The following POU6F2 variants were observed in gnomAD, a reference collection of about 807,000 sequenced individuals.
POU6F2 encodes the protein POU class 6 homeobox 2.
Under a neutral mutation model 71.3 loss-of-function variants are expected in POU6F2, and 31 were observed. That is an observed-to-expected ratio of 0.43 (90% confidence interval 0.33 to 0.59). The LOEUF (loss-of-function observed/expected upper bound fraction) is 0.59. POU6F2 is among the 20% of genes least tolerant of loss of function. The pLI, the probability that POU6F2 is intolerant of heterozygous loss-of-function variation, is 0.04. For missense variants in POU6F2, 783 were observed against 856.8 expected, an observed-to-expected ratio of 0.91 and a Z score of 1.07; for synonymous variants, 347 against 355.7, an observed-to-expected ratio of 0.98 and a Z score of 0.27.
At chr7:39,059,503 T>TA (rs11407203) in intron 1 of POU6F2, among the ~76,000 whole-genome samples, 57,020 of 137,952 alleles carry the variant, frequency 0.41, 12,084 homozygotes, top group East Asian at 0.76. Flanking sequence ...TGTCTGTAAT[T>TA]AAAAAAAAAA....
chr7:39,011,714 GCC>G (rs985259752), intron 1 of POU6F2, among the ~76,000 whole-genome samples: 1 of 150,748 alleles, frequency 6.6e-6, no homozygotes, highest in Non-Finnish European at 1.5e-5. Context: ...TGTAGGGCAG[GCC>G]TGGTGGTGAC....
chr7:39,192,550 C>A (rs1400684757), intron 2 of POU6F2, among the ~76,000 whole-genome samples: 3 of 152,120 alleles, frequency 2.0e-5, no homozygotes, highest in Non-Finnish European at 4.4e-5. Context: ...CTACATTTGG[C>A]ACCAGTTTTG....
At chr7:39,065,884 C>T (rs551215048) in intron 1 of POU6F2, among the ~76,000 whole-genome samples, 1 of 151,698 alleles carries the variant, frequency 6.6e-6, no homozygotes, top group Non-Finnish European at 1.5e-5. Context: ...GACACATATT[C>T]TTATGCTTCA....
intron 1 of POU6F2, among the ~76,000 whole-genome samples, chr7:39,030,473 T>C (rs1314024806): frequency 1.9e-4 from 25 of 134,128 alleles, no homozygotes; most frequent in Non-Finnish European, 1.6e-5. Flanking sequence ...TTTTTGCTAA[T>C]CTCCTGTATT....
intron 6 of POU6F2, among the ~76,000 whole-genome samples, chr7:39,416,104 A>G (rs1787667089): frequency 7.1e-6 from 1 of 140,862 alleles, no homozygotes. Flanking sequence ...ACACACACAC[A>G]CACACACACA....
chr7:39,072,385 G>C (rs1790902655), intron 1 of POU6F2, among the ~76,000 whole-genome samples: 1 of 152,132 alleles, frequency 6.6e-6, no homozygotes, highest in South Asian at 2.1e-4. Flanking sequence ...AATCTATGAT[G>C]CATTTTTCCC....
chr7:39,414,665 G>A (rs956131006), intron 6 of POU6F2, among the ~76,000 whole-genome samples: 2 of 152,296 alleles, frequency 1.3e-5, no homozygotes, highest in South Asian at 2.1e-4. Flanking sequence ...TTAAGACTGC[G>A]GGTGCGGCCC....
At chr7:39,167,692 A>T (rs1303094607) in intron 2 of POU6F2, among the ~76,000 whole-genome samples, 1 of 151,902 alleles carries the variant, frequency 6.6e-6, no homozygotes, top group Non-Finnish European at 1.5e-5. Context: ...CAAATTGTTT[A>T]TTCATATCTT....
intron 1 of POU6F2, among the ~76,000 whole-genome samples, chr7:39,043,776 G>A (rs1268639228): frequency 6.6e-6 from 1 of 151,826 alleles, no homozygotes; most frequent in Non-Finnish European, 1.5e-5. Context: ...GCATGGACTT[G>A]GTTTTAGCAT....
At chr7:39,051,989 G>A (rs750474007) in intron 1 of POU6F2, among the ~76,000 whole-genome samples, 1 of 152,120 alleles carries the variant, frequency 6.6e-6, no homozygotes, top group African/African-American at 2.4e-5. Flanking sequence ...CATGAACACT[G>A]AACTGGCTAG....
At chr7:39,143,040 G>A (rs1562721602) in intron 2 of POU6F2, among the ~76,000 whole-genome samples, 1 of 152,176 alleles carries the variant, frequency 6.6e-6, no homozygotes, top group Non-Finnish European at 1.5e-5. Flanking sequence ...ATAAACCCCT[G>A]CCTTCATTTG....
chr7:39,127,836 A>ATTTTTT (rs70977460), intron 2 of POU6F2, among the ~76,000 whole-genome samples: 10 of 104,170 alleles, frequency 9.6e-5, no homozygotes, highest in East Asian at 3.0e-4. Flanking sequence ...AGCCAGTGGA[A>ATTTTTT]TTTTTTTTTT....
At chr7:39,329,488 G>T (rs1038045643) in intron 4 of POU6F2, among the ~76,000 whole-genome samples, 3 of 152,030 alleles carry the variant, frequency 2.0e-5, no homozygotes, top group Non-Finnish European at 4.4e-5. Context: ...TTGATTCTTA[G>T]AAGTCATTTG....
At chr7:39,387,465 T>A (rs1786971627) in intron 5 of POU6F2, among the ~76,000 whole-genome samples, 2 of 152,236 alleles carry the variant, frequency 1.3e-5, no homozygotes, top group South Asian at 4.1e-4. Flanking sequence ...GCTGATTGAA[T>A]GTACTCTCTA....
At chr7:39,167,690 T>A (rs186894087) in intron 2 of POU6F2, among the ~76,000 whole-genome samples, 16 of 152,200 alleles carry the variant, frequency 1.1e-4, no homozygotes, top group African/African-American at 3.6e-4. Context: ...TACAAATTGT[T>A]TATTCATATC....
chr7:39,433,792 G>A (rs1352697699), intron 7 of POU6F2, among the ~76,000 whole-genome samples: 1 of 152,180 alleles, frequency 6.6e-6, no homozygotes, highest in Admixed American at 6.5e-5. Flanking sequence ...TATCAATTGA[G>A]AGCTTCCTGT....
intron 7 of POU6F2, among the ~76,000 whole-genome samples, chr7:39,442,510 T>C (rs1788427756): frequency 6.6e-6 from 1 of 152,224 alleles, no homozygotes; most frequent in Non-Finnish European, 1.5e-5. Flanking sequence ...TCCTCAGCTT[T>C]ATCCCAAGCA....
chr7:39,104,175 T>C (rs1212171067), intron 2 of POU6F2, among the ~76,000 whole-genome samples: 1 of 152,268 alleles, frequency 6.6e-6, no homozygotes, highest in Admixed American at 6.5e-5. Flanking sequence ...GAAGTACAGC[T>C]GATTCTTAAA....
At position 39,460,728 on chromosome 7, in the gene POU6F2, T is replaced by C. The variant is rs375123427; in HGVS notation, c.1658+13T>C. 7 of 1,572,890 alleles carry C rather than the reference T, an allele frequency of 4.5e-6. No individual in the cohort carries two copies. The highest frequency in any genetic ancestry group is 3.5e-6 in the Non-Finnish European group (4 of 1,158,556). Reference sequence around the variant, plus strand: ...CGGCCATCTGCAGGTAACGCGCGCCTGCATGCTGTCACCTCTTCTAGCCGC... The same window carrying C: ...CGGCCATCTGCAGGTAACGCGCGCCCGCATGCTGTCACCTCTTCTAGCCGC... On this transcript the variant is annotated intron_variant, in intron 9 of 9. Coordinates refer to ENST00000518318, the MANE Select transcript of POU6F2 (RefSeq NM_001370959.1). This position sits in a 1 kb window ranked among gnomAD's most constrained non-coding sequence, Gnocchi z 4.4.
Sources: gnomAD v4.1 joint callset for allele counts (sites outside exome capture counted in the v4.1 genomes callset) on GRCh38, gnomAD v4.1.1 for gene constraint, Gnocchi (gnomAD v3.1) non-coding constraint, MANE v1.5 for transcripts, NCBI Gene and HGNC (gene_info 2026-07-23, HGNC 2026-07-21) for gene names.